ANK2: variants seen among roughly 807,000 people sequenced by gnomAD.
ANK2 encodes the protein ankyrin-2.
In ANK2, 83 loss-of-function variants were observed where a neutral mutation model predicts 360.5. The observed-to-expected ratio is 0.23, with a 90% CI of 0.19 to 0.28. The LOEUF is 0.28. Ranked by LOEUF, ANK2 falls within the 10% of genes least tolerant of loss-of-function variation. The pLI, the probability that ANK2 is intolerant of heterozygous loss-of-function variation, is 1.00. For missense variants in ANK2, 4,201 were observed against 4,795.7 expected, an observed-to-expected ratio of 0.88 and a Z score of 3.66; for synonymous variants, 1,740 against 1,759.5, an observed-to-expected ratio of 0.99 and a Z score of 0.28.
intron 1 of ANK2, among the ~76,000 whole-genome samples, chr4:113,073,681 A>G (rs1476744874): frequency 1.3e-5 from 2 of 152,204 alleles, no homozygotes; most frequent in East Asian, 1.9e-4. Context: ...TAGAAATTAA[A>G]AAGAAGAAAG....
the ANK2 span, among the ~76,000 whole-genome samples, chr4:112,718,420 A>G: frequency 6.9e-6 from 1 of 144,914 alleles, no homozygotes; most frequent in African/African-American, 2.6e-5. Flanking sequence ...GTTCAAGCAA[A>G]TTTCCTGCCT....
chr4:112,799,566 G>A, the ANK2 span, among the ~76,000 whole-genome samples: 1 of 151,352 alleles, frequency 6.6e-6, no homozygotes, highest in Non-Finnish European at 1.5e-5. Context: ...ACCCCGGCTG[G>A]AGTGCAGTGG....
In ANK2 at chr4:113,330,431, G is replaced by A. The variant is rs758980553; in HGVS notation, c.3086G>A (p.Arg1029His). Residue 1029 changes from arginine (R) to histidine (H), a missense_variant, in exon 27 of 46, where the codon CGC becomes CAC. By Grantham distance (29) the Arg-to-His change is conservative (BLOSUM62 0). Transcript: ENST00000357077. ...GTGGAAGGAGAAGGCCTGGCCAGTC[G>A]CCTGATCGAAGTTGGACCTTCTGGT... ...PMVEGEGLAS[R>H]LIEVGPSGAQ... is the part of the protein sequence containing the mutation. 7 of 1,614,082 alleles carry A rather than the reference G, an allele frequency of 4.3e-6. No homozygotes were observed. The highest frequency in any genetic ancestry group is 3.3e-5 in the Admixed American group (2 of 60,006).
At chr4:113,215,272 C>T (rs956080639) in intron 4 of ANK2, among the ~76,000 whole-genome samples, 10 of 152,098 alleles carry the variant, frequency 6.6e-5, no homozygotes, top group African/African-American at 2.2e-4. Flanking sequence ...TATTACTTAA[C>T]CTCTTAGCGA....
intron 41 of ANK2, among the ~76,000 whole-genome samples, chr4:113,365,482 A>T (rs1280006567): frequency 1.3e-5 from 2 of 151,824 alleles, no homozygotes; most frequent in African/African-American, 2.4e-5. Flanking sequence ...TTTTTATGCT[A>T]CCTTAGCCAC....
Position 113,331,990 on chromosome 4 carries a change from G to A in ANK2, c.3144G>A (p.Thr1048=), listed in dbSNP as rs775164040. 2.5e-6 allele frequency: 4 copies of A among 1,613,900 alleles called. No individual in the cohort carries two copies. Among genetic ancestry groups the A allele is most frequent in the African/African-American group, 1.3e-5 (1 of 74,870 alleles). Residue 1048 remains threonine, a synonymous_variant, in exon 28 of 46, where the codon ACG becomes ACA. Transcript: ENST00000357077. Reference sequence around the variant, plus strand: ...TACTCAGTAAACTTCACCTGCCAACGGCTCCTCCCCCACTTAATGAGGGAG... The same window carrying A: ...TACTCAGTAAACTTCACCTGCCAACAGCTCCTCCCCCACTTAATGAGGGAG... ...AQFLGKLHLP[T]APPPLNEGES... is the part of the protein sequence containing the mutation.
intron 1 of ANK2, among the ~76,000 whole-genome samples, chr4:112,851,684 C>T (rs2065030808): frequency 6.6e-6 from 1 of 151,830 alleles, no homozygotes; most frequent in South Asian, 2.1e-4. Flanking sequence ...AGTGCAATGG[C>T]ATGGTCTCAG....
chr4:112,778,030 C>T, the ANK2 span, among the ~76,000 whole-genome samples: 2 of 151,516 alleles, frequency 1.3e-5, no homozygotes, highest in Admixed American at 6.6e-5. Flanking sequence ...AGTGCAATGG[C>T]GCGATCTCGG....
intron 2 of ANK2, among the ~76,000 whole-genome samples, chr4:112,957,852 G>T (rs2031240432): frequency 6.7e-6 from 1 of 150,284 alleles, no homozygotes; most frequent in Non-Finnish European, 1.5e-5. Context: ...GCGGTTGCCA[G>T]GCAGAGGGTC....
intron 2 of ANK2, among the ~76,000 whole-genome samples, chr4:113,003,520 AG>A (rs2051580292): frequency 6.6e-6 from 1 of 152,338 alleles, no homozygotes; most frequent in African/African-American, 2.4e-5. Flanking sequence ...TGTAGAATAT[AG>A]TATGGAATAT....
chr4:113,135,165 T>C (rs1003743448), intron 1 of ANK2, among the ~76,000 whole-genome samples: 1 of 151,780 alleles, frequency 6.6e-6, no homozygotes, highest in African/African-American at 2.4e-5. Context: ...TGCCATATTA[T>C]TGGTGGCTGT....
intron 2 of ANK2, among the ~76,000 whole-genome samples, chr4:112,991,596 TTTTTC>T (rs1476506546): frequency 6.7e-6 from 1 of 148,834 alleles, no homozygotes; most frequent in East Asian, 2.0e-4. Flanking sequence ...CAAGCTTTTT[TTTTTC>T]TTTTCTTTTC....
chr4:113,077,360 G>T (rs1024007494), intron 1 of ANK2, among the ~76,000 whole-genome samples: 20 of 151,956 alleles, frequency 1.3e-4, no homozygotes, highest in Non-Finnish European at 2.4e-4. Flanking sequence ...ATTGTAGGTG[G>T]TTTTAATTTT....
Position 113,037,757 on chromosome 4 carries a change from GT to G in ANK2, c.21+133245del, listed in dbSNP as rs1167173641. Reference sequence around the variant, plus strand: ...TAAAGTAGGTATTTTCTGTTCTAGTGTTACTGTAAGCCAGAAACATGAATAA... The same window carrying G: ...TAAAGTAGGTATTTTCTGTTCTAGTGTACTGTAAGCCAGAAACATGAATAA... On this transcript the variant is annotated intron_variant, in intron 2 of 30. Coordinates refer to the ANK2 transcript ENST00000503271. Among the ~76,000 whole-genome samples the G allele has an allele frequency of 2.6e-5, 4 of 152,094 alleles. No individual in the cohort carries two copies. In the East Asian group the frequency reaches 7.8e-4, roughly 29 times the overall value.
At chr4:113,031,860 ACT>A (rs2060484410) in intron 2 of ANK2, among the ~76,000 whole-genome samples, 1 of 151,596 alleles carries the variant, frequency 6.6e-6, no homozygotes, top group Non-Finnish European at 1.5e-5. Context: ...CCTGCAGGAA[ACT>A]CTATGTGTGC....
intron 1 of ANK2, among the ~76,000 whole-genome samples, chr4:112,843,748 A>G (rs577852096): frequency 3.3e-5 from 5 of 152,284 alleles, no homozygotes; most frequent in Non-Finnish European, 5.9e-5. Context: ...TGTTTGAGAA[A>G]TGTTGTCCTT....
chr4:112,790,471 T>C, the ANK2 span, among the ~76,000 whole-genome samples: 11 of 147,142 alleles, frequency 7.5e-5, no homozygotes, highest in African/African-American at 2.7e-4. Flanking sequence ...GGGGCCCCAT[T>C]AACTTTTCTT....
intron 14 of ANK2, 100 bp from the exon 15 acceptor site, chr4:113,274,352 T>C (rs1432850590): frequency 4.4e-6 from 6 of 1,348,994 alleles, no homozygotes; most frequent in South Asian, 1.2e-5. Context: ...GTGGGGTTCC[T>C]AGAGATTCCA....
chr4:113,195,962 G>A (rs771653046), intron 2 of ANK2, among the ~76,000 whole-genome samples: 3 of 152,130 alleles, frequency 2.0e-5, no homozygotes, highest in East Asian at 1.9e-4. Context: ...TGTGAAAAGC[G>A]CTTAGCAGAG....
Sources: allele counts gnomAD v4.1 joint callset (sites outside exome capture counted in the v4.1 genomes callset), GRCh38; gene constraint gnomAD v4.1.1; transcripts MANE v1.5; gene names NCBI Gene and HGNC (gene_info 2026-07-23, HGNC 2026-07-21).